DNM1: variants seen among roughly 807,000 people sequenced by gnomAD.
DNM1 encodes dynamin-1.
In DNM1, 29 loss-of-function variants were observed where a neutral mutation model predicts 104.6. That is an observed-to-expected ratio of 0.28 (90% confidence interval 0.21 to 0.38). The LOEUF (loss-of-function observed/expected upper bound fraction) is 0.38. DNM1 is among the 10% of genes least tolerant of loss of function. DNM1 has a pLI of 1.00. For synonymous variants in DNM1, 445 were observed against 475.8 expected, an observed-to-expected ratio of 0.94 and a Z score of 0.84; for missense variants, 640 against 1,189.4, an observed-to-expected ratio of 0.54 and a Z score of 6.79.
At chr9:128,229,192 T>C (rs899770484) in intron 10 of DNM1, among the ~76,000 whole-genome samples, 2 of 151,666 alleles carry the variant, frequency 1.3e-5, no homozygotes, top group African/African-American at 2.4e-5. Context: ...AGAAGTTTAA[T>C]ACCAGCCTGG....
intron 11 of DNM1, among the ~76,000 whole-genome samples, 161 bp downstream of exon 11, chr9:128,234,268 G>A (rs552239987): frequency 3.5e-4 from 54 of 152,290 alleles, no homozygotes; most frequent in African/African-American, 1.3e-3. Context: ...CTTTTTTATT[G>A]CAGTAAAATA....
intron 10 of DNM1, among the ~76,000 whole-genome samples, chr9:128,225,790 G>T (rs1835304703): frequency 6.6e-6 from 1 of 152,058 alleles, no homozygotes; most frequent in East Asian, 1.9e-4. Flanking sequence ...TACCTATGGA[G>T]CCCAGGGGAT....
At chr9:128,212,538 C>A (rs983455673) in intron 1 of DNM1, among the ~76,000 whole-genome samples, 1 of 152,112 alleles carries the variant, frequency 6.6e-6, no homozygotes, top group African/African-American at 2.4e-5. Flanking sequence ...GAAAGAGGAT[C>A]CAGATGTAGC....
At position 128,254,461 on chromosome 9, in the gene DNM1, T is replaced by G; in HGVS notation, c.2535-193T>G. 6.7e-7 allele frequency: 1 copy of G among 1,486,514 alleles called. No individual in the cohort carries two copies. The highest frequency in any genetic ancestry group is 8.9e-7 in the Non-Finnish European group (1 of 1,126,568). The allele number at this position is 1,486,514 out of a possible 1,614,324, so 92.1% of individuals were successfully genotyped here. Reference sequence around the variant, plus strand: ...TATCTGTGAAGCTACGGCTCCTCCCTCCATCTTCCTCCCCTTTCCCTTCCA... The same window carrying G: ...TATCTGTGAAGCTACGGCTCCTCCCGCCATCTTCCTCCCCTTTCCCTTCCA... On this transcript the variant is annotated intron_variant, in intron 21 of 21. Transcript: ENST00000372923. The surrounding 1 kb of genome is among the most constrained non-coding windows in gnomAD (Gnocchi z 6.1).
At chr9:128,241,584 C>T (rs1200567529) in intron 14 of DNM1, among the ~76,000 whole-genome samples, 1 of 152,162 alleles carries the variant, frequency 6.6e-6, no homozygotes. Flanking sequence ...TAGTGACCAA[C>T]AGTTCATGAT....
intron 1 of DNM1, among the ~76,000 whole-genome samples, chr9:128,206,818 G>T (rs1833997931): frequency 6.6e-6 from 1 of 152,050 alleles, no homozygotes; most frequent in African/African-American, 2.4e-5. Flanking sequence ...GAGGAGTTTG[G>T]GTTTATTTTC....
chr9:128,250,625 C>T (rs1161185439), intron 20 of DNM1, 100 bp from the exon 21 acceptor site: 8 of 1,110,838 alleles, frequency 7.2e-6, no homozygotes, highest in Non-Finnish European at 8.5e-6. Flanking sequence ...GAGGGGCTTG[C>T]GTGCATGGGC....
At position 128,218,394 on chromosome 9, in the gene DNM1, C is replaced by T; in HGVS notation, c.235+90C>T. ...GAGGGCCAGCCTGGCCACGAACTTGCTTGCTGTGTGACTGTGGGCCTCGTT... is the reference window on the plus strand; with the variant it reads ...GAGGGCCAGCCTGGCCACGAACTTGTTTGCTGTGTGACTGTGGGCCTCGTT... On this transcript the variant is annotated intron_variant, in intron 2 of 21. Coordinates refer to ENST00000372923, the MANE Select transcript of DNM1 (RefSeq NM_004408.4). This position sits in a 1 kb window ranked among gnomAD's most constrained non-coding sequence, Gnocchi z 4.8. 1 of 1,510,896 alleles carries T rather than the reference C, an allele frequency of 6.6e-7. No individual in the cohort carries two copies. The highest frequency in any genetic ancestry group is 9.2e-7 in the Non-Finnish European group (1 of 1,086,596). 93.6% of individuals were successfully genotyped at this position (1,510,896 alleles called of 1,614,324 possible). A position where few individuals can be genotyped will look rare whatever the true frequency, so the allele number is the denominator to read the frequency against.
At chr9:128,213,740 G>A (rs1436617472) in intron 1 of DNM1, among the ~76,000 whole-genome samples, 1 of 152,144 alleles carries the variant, frequency 6.6e-6, no homozygotes, top group Non-Finnish European at 1.5e-5. Flanking sequence ...TTTGGTCAGT[G>A]CGGGTGTCCT....
chr9:128,242,406 C>T, intron 15 of DNM1, 61 bp downstream of exon 15: 1 of 955,644 alleles, frequency 1.0e-6, no homozygotes, highest in South Asian at 1.3e-5. Context: ...AGGCTCAGAC[C>T]CTCCCATGGG....
chr9:128,247,793 TAG>T lies in DNM1; in HGVS notation c.1894-128_1894-127del. 6 of 1,225,634 alleles carry T rather than the reference TAG, an allele frequency of 4.9e-6. No homozygotes were observed. The highest frequency in any genetic ancestry group is 5.8e-6 in the Non-Finnish European group (5 of 864,594). The allele number at this position is 1,225,634 out of a possible 1,614,324, so 75.9% of individuals were successfully genotyped here. ...TCCCCTATTTCACTGTGGCGATGTCTAGAGTAGCCTGAGAGTTGGGGTGCAGT... is the reference window on the plus strand; with the variant it reads ...TCCCCTATTTCACTGTGGCGATGTCTAGTAGCCTGAGAGTTGGGGTGCAGT... On this transcript the variant is annotated intron_variant, in intron 17 of 21. Transcript: ENST00000372923. The surrounding 1 kb of genome is among the most constrained non-coding windows in gnomAD (Gnocchi z 5.1).
At chr9:128,209,357 C>T (rs969233089) in intron 1 of DNM1, among the ~76,000 whole-genome samples, 1 of 152,048 alleles carries the variant, frequency 6.6e-6, no homozygotes, top group African/African-American at 2.4e-5. Flanking sequence ...CTGGCTGGGT[C>T]AGAGGGTCGG....
At chr9:128,244,866 C>T (rs747136162) in intron 15 of DNM1, 33 of 501,458 alleles carry the variant, frequency 6.6e-5, no homozygotes, top group South Asian at 1.3e-4. Context: ...ATCCGGTGGG[C>T]GCTTCAGCCC....
rs1006295089 is a variant in DNM1 at position 128,240,029 on chromosome 9, T to C, written c.1557+33T>C. ...CCAGGACTGGGGCTCTCGGCTTGTG[T>C]AGTGAGGGGGCGGAGGGTCCATCGG... On this transcript the variant is annotated intron_variant, in intron 14 of 21. Coordinates refer to ENST00000372923, the MANE Select transcript of DNM1 (RefSeq NM_004408.4). The surrounding 1 kb of genome is among the most constrained non-coding windows in gnomAD (Gnocchi z 5.1). 7 of 1,613,666 alleles carry C rather than the reference T, an allele frequency of 4.3e-6. No individual in the cohort carries two copies. The highest frequency in any genetic ancestry group is 1.3e-5 in the African/African-American group (1 of 75,018).
chr9:128,227,720 T>C (rs1367426035), intron 10 of DNM1, among the ~76,000 whole-genome samples: 1 of 152,200 alleles, frequency 6.6e-6, no homozygotes, highest in Non-Finnish European at 1.5e-5. Flanking sequence ...TATTCCACTG[T>C]AGAAATGTGG....
chr9:128,226,236 G>C lies in DNM1; in HGVS notation c.1335+1847G>C. The stretch of plus-strand genomic sequence containing the variant: ...CCATTCCTTGTGGCCACAGCCTCCC[G>C]TGGGCAGAAGGATCTGCTGAGCCGG... On this transcript the variant is annotated intron_variant, in intron 10 of 21. Coordinates refer to ENST00000372923, the MANE Select transcript of DNM1 (RefSeq NM_004408.4). 9 of 1,597,812 alleles carry C rather than the reference G, an allele frequency of 5.6e-6. No individual in the cohort carries two copies. In the South Asian group the frequency reaches 1.0e-4, roughly 18 times the overall value.
chr9:128,242,394 T>A, intron 15 of DNM1, 49 bp downstream of exon 15: 1 of 1,081,824 alleles, frequency 9.2e-7, no homozygotes, highest in Admixed American at 1.7e-5. Flanking sequence ...GTGGACAGAG[T>A]CAGGCTCAGA....
chr9:128,214,569 G>T (rs1834493934), intron 1 of DNM1, among the ~76,000 whole-genome samples: 2 of 152,184 alleles, frequency 1.3e-5, no homozygotes, highest in Non-Finnish European at 2.9e-5. Flanking sequence ...GGTAGGGGTA[G>T]GGGTCACATC....
intron 11 of DNM1, among the ~76,000 whole-genome samples, chr9:128,235,587 A>G (rs971510144): frequency 6.6e-6 from 1 of 151,924 alleles, no homozygotes; most frequent in Non-Finnish European, 1.5e-5. Context: ...GGTTTTTCCT[A>G]CCTTTTGGCC....
Sources: allele counts gnomAD v4.1 joint callset (sites outside exome capture counted in the v4.1 genomes callset), GRCh38; gene constraint gnomAD v4.1.1; non-coding constraint Gnocchi (gnomAD v3.1); transcripts MANE v1.5; gene names NCBI Gene and HGNC (gene_info 2026-07-23, HGNC 2026-07-21).